Variants in SWT1 observed in about 807,000 individuals in gnomAD.
SWT1 encodes the protein transcriptional protein SWT1.
Under a neutral mutation model 107.3 loss-of-function variants are expected in SWT1, and 33 were observed. That is an observed-to-expected ratio of 0.31 (90% CI 0.23 to 0.41). The LOEUF (loss-of-function observed/expected upper bound fraction) is 0.41, where lower values mean the gene tolerates loss of function less well. Among genes scored for constraint, SWT1 ranks in the 10% least tolerant of loss-of-function variants. The pLI, the probability that SWT1 is intolerant of heterozygous loss-of-function variation, is 1.00. For synonymous variants in SWT1, 345 were observed against 348.3 expected (o/e 0.99, Z 0.11); for missense variants, 898 against 1,028.9 (o/e 0.87, Z 1.74).
chr1:185,281,521 C>A, intron 18 of SWT1: 1 of 218,996 alleles, frequency 4.6e-6, no homozygotes. Context: ...TACCCATAAA[C>A]CATCAGATCA....
At chr1:185,165,843 G>A (rs1654524399) in intron 2 of SWT1, among the ~76,000 whole-genome samples, 1 of 152,012 alleles carries the variant, frequency 6.6e-6, no homozygotes, top group African/African-American at 2.4e-5. Context: ...TCCCCTTTGA[G>A]CTGAAAAAAC....
At chr1:185,194,463 C>G (rs1486380447) in intron 10 of SWT1, among the ~76,000 whole-genome samples, 3 of 151,460 alleles carry the variant, frequency 2.0e-5, no homozygotes, top group African/African-American at 7.3e-5. Flanking sequence ...TTAGTGTTTA[C>G]AATATACATC....
intron 17 of SWT1, among the ~76,000 whole-genome samples, chr1:185,274,447 G>A (rs1052287703): frequency 2.6e-5 from 4 of 151,156 alleles, no homozygotes; most frequent in Non-Finnish European, 5.9e-5. Context: ...ATGCATCATC[G>A]TGCCTGGCTG....
intron 18 of SWT1, among the ~76,000 whole-genome samples, chr1:185,287,438 G>A (rs758192616): frequency 6.6e-6 from 1 of 152,170 alleles, no homozygotes; most frequent in Non-Finnish European, 1.5e-5. Context: ...TGGAAAAAAA[G>A]AAATAGGGAC....
chr1:185,228,153 C>T (rs1246782951), intron 15 of SWT1, among the ~76,000 whole-genome samples: 6 of 133,790 alleles, frequency 4.5e-5, no homozygotes, highest in African/African-American at 1.9e-4. Flanking sequence ...CAGTATGTCA[C>T]ATTAAAAAAA....
intron 11 of SWT1, 38 bp downstream of exon 11, chr1:185,202,837 AT>A (rs1279671705): frequency 1.8e-6 from 2 of 1,120,762 alleles, no homozygotes; most frequent in Admixed American, 2.6e-5. Flanking sequence ...GATATATCTT[AT>A]TTTATACACT....
Position 185,231,714 on chromosome 1 carries a change from C to A in SWT1, c.2441+6C>A. ...ATTCTTGAAGGAATTCAAAGGTAAACACTATATTAATTTTAAAGTGTTATT... is the reference window on the plus strand; with the variant it reads ...ATTCTTGAAGGAATTCAAAGGTAAAAACTATATTAATTTTAAAGTGTTATT... On this transcript the variant is annotated splice_donor_region_variant and intron_variant, in intron 16 of 18. Coordinates refer to ENST00000367500, the MANE Select transcript of SWT1 (RefSeq NM_017673.7). The A allele has an allele frequency of 6.3e-7, 1 of 1,594,740 alleles. No homozygotes were observed. The highest frequency in any genetic ancestry group is 8.6e-7 in the Non-Finnish European group (1 of 1,167,842).
intron 16 of SWT1, among the ~76,000 whole-genome samples, chr1:185,268,449 C>G (rs2102719677): frequency 6.6e-6 from 1 of 152,272 alleles, no homozygotes; most frequent in South Asian, 2.1e-4. Flanking sequence ...TATTATCTCC[C>G]TGTGCCTGGT....
At chr1:185,201,612 C>T (rs887093901) in intron 10 of SWT1, among the ~76,000 whole-genome samples, 15 of 152,226 alleles carry the variant, frequency 9.9e-5, no homozygotes, top group East Asian at 7.7e-4. Context: ...TGAGATGAGT[C>T]GGGTACCTCA....
At chr1:185,263,212 G>A (rs1243139224) in intron 16 of SWT1, 1 of 152,054 alleles carries the variant, frequency 6.6e-6, no homozygotes, top group Non-Finnish European at 1.5e-5. Flanking sequence ...TGCAGTACTG[G>A]AGGTTAGGGC....
chr1:185,256,781 C>G (rs1277715583), intron 16 of SWT1, among the ~76,000 whole-genome samples: 2 of 152,134 alleles, frequency 1.3e-5, no homozygotes, highest in African/African-American at 4.8e-5. Flanking sequence ...TTTCTCAGCT[C>G]GTCAAAGTCA....
intron 16 of SWT1, among the ~76,000 whole-genome samples, chr1:185,261,144 A>G (rs1023385956): frequency 6.6e-6 from 1 of 152,066 alleles, no homozygotes; most frequent in Non-Finnish European, 1.5e-5. Context: ...ATCTCGTAAA[A>G]CTGAAACTCT....
At chr1:185,270,674 A>C (rs1663791563) in intron 16 of SWT1, among the ~76,000 whole-genome samples, 1 of 152,122 alleles carries the variant, frequency 6.6e-6, no homozygotes, top group Non-Finnish European at 1.5e-5. Flanking sequence ...ACACCACTGC[A>C]CTACAGCCTG....
intron 16 of SWT1, among the ~76,000 whole-genome samples, chr1:185,241,149 T>G (rs879691630): frequency 1.3e-5 from 2 of 152,140 alleles, no homozygotes; most frequent in Admixed American, 1.3e-4. Flanking sequence ...AACTAGTTGT[T>G]GAAACTAAAG....
At position 185,187,765 on chromosome 1, in the gene SWT1, A is replaced by G. The variant is rs781601174; in HGVS notation, c.1430-2784A>G. On this transcript the variant is annotated intron_variant, in intron 9 of 18. Transcript: ENST00000367500. ...AATGGCGTGATCTCAGCTCACTGCA[A>G]TCTCCGCCTCCCGGCCTCAAGTGTG... Among the ~76,000 whole-genome samples, 3 of 152,084 alleles carry G rather than the reference A, an allele frequency of 2.0e-5. No homozygotes were observed. In the South Asian group the frequency reaches 6.2e-4, roughly 32 times the overall value.
intron 2 of SWT1, 119 bp from the exon 3 acceptor site, chr1:185,166,453 C>T: frequency 1.6e-6 from 1 of 620,120 alleles, no homozygotes; most frequent in Non-Finnish European, 2.8e-6. Flanking sequence ...CATTGTTCCC[C>T]ACCGAAGTTC....
chr1:185,170,332 C>T (rs1654940479), intron 4 of SWT1, among the ~76,000 whole-genome samples: 1 of 152,226 alleles, frequency 6.6e-6, no homozygotes, highest in South Asian at 2.1e-4. Flanking sequence ...TTCTGTCTTC[C>T]TAACTTTGGT....
intron 13 of SWT1, among the ~76,000 whole-genome samples, chr1:185,213,875 A>T (rs770479792): frequency 2.0e-5 from 3 of 152,138 alleles, no homozygotes; most frequent in Non-Finnish European, 4.4e-5. Flanking sequence ...TATACCTTTA[A>T]ATTATTGTTT....
chr1:185,209,028 G>C (rs1658556740), intron 13 of SWT1, among the ~76,000 whole-genome samples: 1 of 152,092 alleles, frequency 6.6e-6, no homozygotes, highest in Non-Finnish European at 1.5e-5. Flanking sequence ...TGGTCCTAAA[G>C]AATGTCTAGT....
Sources: gnomAD v4.1 joint callset for allele counts (sites outside exome capture counted in the v4.1 genomes callset) on GRCh38, gnomAD v4.1.1 for gene constraint, MANE v1.5 for transcripts, NCBI Gene and HGNC (gene_info 2026-07-23, HGNC 2026-07-21) for gene names.